TMEM94: variants seen among roughly 807,000 people sequenced by gnomAD.
TMEM94 encodes transmembrane protein 94, also known as ER Mg2+ ATPase.
A neutral mutation model predicts 158.6 loss-of-function variants in TMEM94; 81 were observed. The observed-to-expected ratio is 0.51, with a 90% CI of 0.43 to 0.61. The LOEUF is 0.61. Among genes scored for constraint, TMEM94 ranks in the 20% least tolerant of loss-of-function variants. TMEM94 has a pLI of 0.00. For missense variants in TMEM94, 1,435 were observed against 1,762.0 expected (o/e 0.81, Z 3.32); for synonymous variants, 751 against 730.7 (o/e 1.03, Z -0.45).
At chr17:75,474,817 G>A (rs1476421262) in intron 2 of TMEM94, among the ~76,000 whole-genome samples, 5 of 152,082 alleles carry the variant, frequency 3.3e-5, no homozygotes, top group East Asian at 1.9e-4. Context: ...CCATCAGTTC[G>A]GTCTCTCCTT....
intron 1 of TMEM94, among the ~76,000 whole-genome samples, chr17:75,469,631 C>A (rs966168021): frequency 2.0e-5 from 3 of 149,602 alleles, no homozygotes; most frequent in Non-Finnish European, 3.0e-5. Flanking sequence ...AGGCGTGAGC[C>A]ACTGTGCTCG....
At chr17:75,471,653 G>T (rs910252585) in intron 1 of TMEM94, 147 bp from the exon 2 acceptor site, 1 of 396,664 alleles carries the variant, frequency 2.5e-6, no homozygotes, top group Non-Finnish European at 4.7e-6. Context: ...GACAGAGTTT[G>T]CAGTGAGCCG....
chr17:75,491,692 C>T lies in TMEM94; in HGVS notation c.1388C>T (p.Pro463Leu), dbSNP rs770351012. The T allele has an allele frequency of 8.7e-6, 14 of 1,613,848 alleles. No homozygotes were observed. The East Asian group carries it at 2.9e-4, about 33-fold the overall frequency. ...GCCTGTGCTCCTCATTCTCTTCAGC[C>T]CCATGAACGAGACGCCCTCCTGGCT... ...LSTRSFCHPE[P>L]HERDALLAGS... Residue 463 changes from proline to leucine, a missense_variant and splice_region_variant, in exon 14 of 32, where the codon CCC becomes CTC. Physicochemically the swap from Pro to Leu is moderately conservative, Grantham distance 98. Coordinates refer to ENST00000314256, the MANE Select transcript of TMEM94 (RefSeq NM_014738.6). The surrounding 1 kb of genome is among the most constrained non-coding windows in gnomAD (Gnocchi z 5.1).
intron 1 of TMEM94, among the ~76,000 whole-genome samples, chr17:75,471,251 A>AAG (rs1555622621): frequency 2.1e-5 from 3 of 141,448 alleles, no homozygotes; most frequent in South Asian, 2.1e-4. Flanking sequence ...AAAAAAAAAA[A>AAG]AAAGAAAGAA....
intron 2 of TMEM94, among the ~76,000 whole-genome samples, chr17:75,484,360 C>CCT (rs1275409081): frequency 7.5e-6 from 1 of 134,044 alleles, no homozygotes; most frequent in Non-Finnish European, 1.6e-5. Flanking sequence ...TTTTTTCCTT[C>CCT]ATGTCTTTCC....
chr17:75,467,611 C>T (rs2050353745), intron 1 of TMEM94, among the ~76,000 whole-genome samples: 1 of 148,544 alleles, frequency 6.7e-6, no homozygotes, highest in Non-Finnish European at 1.5e-5. Context: ...CGGCTCACTG[C>T]AAGCTCCGCT....
intron 2 of TMEM94, among the ~76,000 whole-genome samples, chr17:75,478,162 C>A (rs1351892319): frequency 1.0e-5 from 1 of 95,740 alleles, no homozygotes; most frequent in Non-Finnish European, 2.1e-5. Flanking sequence ...ACGACAGGCG[C>A]CCGCCACTAC....
chr17:75,489,403 G>A lies in TMEM94; in HGVS notation c.867+35G>A. ...GCGGGGCTGTGCGGGGCTGCATGGG[G>A]CAGAGGAGAGGGCTGGACACGGGGG... On this transcript the variant is annotated intron_variant, in intron 8 of 31. Transcript: ENST00000314256. This position sits in a 1 kb window ranked among gnomAD's most constrained non-coding sequence, Gnocchi z 5.0. 6.3e-7 allele frequency: 1 copy of A among 1,596,664 alleles called. No homozygotes were observed. Among genetic ancestry groups the A allele is most frequent in the Non-Finnish European group, 8.6e-7 (1 of 1,164,230 alleles).
chr17:75,457,019 C>A (rs1422958738), intron 1 of TMEM94, among the ~76,000 whole-genome samples: 1 of 152,188 alleles, frequency 6.6e-6, no homozygotes, highest in Non-Finnish European at 1.5e-5. Flanking sequence ...TAAAGCCTCT[C>A]GCCAACAAAG....
At chr17:75,480,267 G>A (rs954594849) in intron 2 of TMEM94, among the ~76,000 whole-genome samples, 1 of 152,228 alleles carries the variant, frequency 6.6e-6, no homozygotes, top group East Asian at 1.9e-4. Context: ...GCTGGCCTGT[G>A]CGGGCAAGAG....
chr17:75,497,309 TCTG>T, intron 26 of TMEM94, 111 bp downstream of exon 26: 1 of 694,300 alleles, frequency 1.4e-6, no homozygotes, highest in Non-Finnish European at 2.5e-6. Flanking sequence ...TCTCACCTCC[TCTG>T]GTACAGGAGG....
intron 1 of TMEM94, among the ~76,000 whole-genome samples, chr17:75,467,614 G>A (rs1372526340): frequency 7.0e-6 from 1 of 142,802 alleles, no homozygotes; most frequent in African/African-American, 2.6e-5. Context: ...CTCACTGCAA[G>A]CTCCGCTTCC....
chr17:75,490,630 T>C lies in TMEM94; in HGVS notation c.1072-72T>C, dbSNP rs942505716. On this transcript the variant is annotated intron_variant, in intron 10 of 31. Transcript: ENST00000314256. ...GAGCCCCGCTGGTGTGGGCCCCCCC[T>C]CTGCCAGCTTGGAGAGGCCTGTGTG... is the stretch of plus-strand genomic sequence containing the variant. 7.9e-6 allele frequency: 11 copies of C among 1,398,942 alleles called. No individual in the cohort carries two copies. In the African/African-American group the frequency reaches 9.9e-5, roughly 13 times the overall value. The allele number at this position is 1,398,942 out of a possible 1,614,324, so 86.7% of individuals were successfully genotyped here. A position where few individuals can be genotyped will look rare whatever the true frequency, so the allele number is the denominator to read the frequency against.
Position 75,499,476 on chromosome 17 carries a change from A to C in TMEM94, c.*142A>C. On this transcript the variant is annotated 3_prime_UTR_variant, in exon 32 of 32. Coordinates refer to ENST00000314256, the MANE Select transcript of TMEM94 (RefSeq NM_014738.6). The stretch of plus-strand genomic sequence containing the variant: ...CTGGAAACCCAGCTCCCCGTGTCAG[A>C]CCCCGCTGTCTTCCTGAGCCCTGGG... 1 of 756,306 alleles carries C rather than the reference A, an allele frequency of 1.3e-6. No homozygotes were observed. Among genetic ancestry groups the C allele is most frequent in the Non-Finnish European group, 2.2e-6 (1 of 459,384 alleles). 46.8% of individuals were successfully genotyped at this position (756,306 alleles called of 1,614,324 possible). A position where few individuals can be genotyped will look rare whatever the true frequency, so the allele number is the denominator to read the frequency against.
In TMEM94 at chr17:75,495,138, A is replaced by G. The variant is rs1243781172; in HGVS notation, c.2728+104A>G. ...TCCGGAGAGCCCTCCAGTTAAGTAC[A>G]TTCCCTTGGGAAATGGCTCTGATGT... On this transcript the variant is annotated intron_variant, in intron 20 of 31. Transcript: ENST00000314256. This position sits in a 1 kb window ranked among gnomAD's most constrained non-coding sequence, Gnocchi z 5.6. 8 of 1,499,810 alleles carry G rather than the reference A, an allele frequency of 5.3e-6. No homozygotes were observed. The highest frequency in any genetic ancestry group is 7.2e-6 in the Non-Finnish European group (8 of 1,108,114). The allele number at this position is 1,499,810 out of a possible 1,614,324, so 92.9% of individuals were successfully genotyped here.
Position 75,487,910 on chromosome 17 carries a change from T to A in TMEM94, c.410-22T>A, listed in dbSNP as rs751657845. ...CAGGGCCGTGGCTGAGAGGGTTGTT[T>A]CCCTCTTTCCATTCCCCTCAGATGC... On this transcript the variant is annotated intron_variant, in intron 5 of 31. Transcript: ENST00000314256. This position sits in a 1 kb window ranked among gnomAD's most constrained non-coding sequence, Gnocchi z 4.6. 6.3e-7 allele frequency: 1 copy of A among 1,596,590 alleles called. No homozygotes were observed. Among genetic ancestry groups the A allele is most frequent in the East Asian group, 2.2e-5 (1 of 44,654 alleles).
At position 75,493,016 on chromosome 17, in the gene TMEM94, C is replaced by T; in HGVS notation, c.2000C>T (p.Thr667Ile). The T allele has an allele frequency of 6.2e-7, 1 of 1,613,808 alleles. No individual in the cohort carries two copies. Among genetic ancestry groups the T allele is most frequent in the South Asian group, 1.1e-5 (1 of 91,090 alleles). Reference sequence around the variant, plus strand: ...CCCAGTGCCGAGACAATGAAGGAGACATCGCTGGGGCGGCTCTCCTGTGTC... The same window carrying T: ...CCCAGTGCCGAGACAATGAAGGAGATATCGCTGGGGCGGCTCTCCTGTGTC... ...RLPSAETMKE[T>I]SLGRLSCVTK... is the part of the protein sequence containing the mutation. The change falls in exon 16 of 32, where the codon ACA (threonine) becomes ATA (isoleucine). Residue 667 changes from threonine (T) to isoleucine (I), a missense_variant. This residue lies in a region of TMEM94 where 1,051 missense variants were observed against 1,254.4 expected (regional missense o/e 0.84). Coordinates refer to ENST00000314256, the MANE Select transcript of TMEM94 (RefSeq NM_014738.6).
chr17:75,498,451 G>A lies in TMEM94; in HGVS notation c.3646G>A (p.Asp1216Asn), dbSNP rs762231241. The change falls in exon 29 of 32, where the codon GAC (aspartate) becomes AAC (asparagine). Residue 1216 changes from aspartate to asparagine, a missense_variant. By Grantham distance (23) the Asp-to-Asn change is conservative. Transcript: ENST00000314256. The surrounding 1 kb of genome is among the most constrained non-coding windows in gnomAD (Gnocchi z 6.7). ...CATGCCTCACTTTGGCAGCAACGACGACAGGGCTCCAGCCTGGTTTGAGGA... is the reference window on the plus strand; with the variant it reads ...CATGCCTCACTTTGGCAGCAACGACAACAGGGCTCCAGCCTGGTTTGAGGA... ...CSSVMLPSND[D>N]RAPAWFEDFA... The A allele has an allele frequency of 5.0e-6, 8 of 1,587,622 alleles. No homozygotes were observed. Among genetic ancestry groups the A allele is most frequent in the East Asian group, 2.2e-5 (1 of 44,584 alleles).
Position 75,471,796 on chromosome 17 carries a change from C to T in TMEM94, c.-106-4C>T. ...TGAGTGATTTCTTTCTTCTTTTTCC[C>T]CAGATGTTGTGACTGTGACAGACTC... On this transcript the variant is annotated splice_region_variant and splice_polypyrimidine_tract_variant and intron_variant, in intron 1 of 31. Coordinates refer to ENST00000314256, the MANE Select transcript of TMEM94 (RefSeq NM_014738.6). The T allele has an allele frequency of 9.3e-7, 1 of 1,070,382 alleles. No individual in the cohort carries two copies. The highest frequency in any genetic ancestry group is 1.3e-5 in the South Asian group (1 of 75,894). The allele number at this position is 1,070,382 out of a possible 1,614,324, so 66.3% of individuals were successfully genotyped here.
Sources: gnomAD v4.1 joint callset for allele counts (sites outside exome capture counted in the v4.1 genomes callset) on GRCh38, gnomAD v4.1.1 for gene constraint, gnomAD v4.1.1 regional missense constraint, Gnocchi (gnomAD v3.1) non-coding constraint, MANE v1.5 for transcripts, NCBI Gene and HGNC (gene_info 2026-07-23, HGNC 2026-07-21) for gene names.